PTPRN2: variants seen among roughly 807,000 people sequenced by gnomAD.
PTPRN2 encodes receptor-type tyrosine-protein phosphatase N2.
In PTPRN2, 74 loss-of-function variants were observed where a neutral mutation model predicts 118.8. The observed-to-expected ratio is 0.62, with a 90% CI of 0.52 to 0.76. The LOEUF (loss-of-function observed/expected upper bound fraction) is 0.76, where lower values mean the gene tolerates loss of function less well. Ranked by LOEUF, PTPRN2 falls within the 30% of genes least tolerant of loss-of-function variation. The probability of loss-of-function intolerance (pLI) is 0.00; values close to 1 mark genes in which losing one functional copy is unlikely to be tolerated. For missense variants in PTPRN2, 1,481 were observed against 1,394.4 expected (o/e 1.06, Z -0.99); for synonymous variants, 641 against 608.0 (o/e 1.05, Z -0.80).
At chr7:158,465,360 C>T (rs948947811) in intron 2 of PTPRN2, among the ~76,000 whole-genome samples, 11 of 152,282 alleles carry the variant, frequency 7.2e-5, no homozygotes, top group East Asian at 3.9e-4. Context: ...TTCATTCATA[C>T]CACACCCCTT....
rs74733438 is a variant in PTPRN2 at position 158,497,825 on chromosome 7, G to A, written c.113-8040C>T. ...CACAGCCTCTGGGCCCTGTTCCTGC[G>A]GGGACACCTGTCCGTCCCCTGTGCT... On this transcript the variant is annotated intron_variant, in intron 1 of 22. Transcript: ENST00000389418. Among the ~76,000 whole-genome samples, 935 of 152,346 alleles carry A rather than the reference G, an allele frequency of 6.1e-3. 7 individuals are homozygous for A. The highest frequency in any genetic ancestry group is 9.5e-3 in the Non-Finnish European group (644 of 68,028).
At chr7:157,589,613 G>A (rs1438016964) in intron 17 of PTPRN2, among the ~76,000 whole-genome samples, 2 of 152,174 alleles carry the variant, frequency 1.3e-5, no homozygotes, top group East Asian at 3.8e-4. Flanking sequence ...ACGCCTGGGG[G>A]TGTCAACGGA....
At position 158,173,122 on chromosome 7, in the gene PTPRN2, G is replaced by A. The variant is rs541084224; in HGVS notation, c.550-5831C>T. Among the ~76,000 whole-genome samples the A allele has an allele frequency of 1.0e-4, 14 of 133,378 alleles. No homozygotes were observed. The South Asian group carries it at 2.8e-3, about 27-fold the overall frequency. 87.5% of individuals were successfully genotyped at this position (133,378 alleles called of 152,430 possible). A position where few individuals can be genotyped will look rare whatever the true frequency, so the allele number is the denominator to read the frequency against. On this transcript the variant is annotated intron_variant, in intron 5 of 22. Coordinates refer to ENST00000389418, the MANE Select transcript of PTPRN2 (RefSeq NM_002847.5). ...TCCCATCACCACCAACACCACCAGC[G>A]TCCCCACCATCATCATCACCCCATC...
At chr7:158,140,641 TCTGCCCAGGGCAA>T (rs1415943510) in intron 6 of PTPRN2, among the ~76,000 whole-genome samples, 5 of 152,140 alleles carry the variant, frequency 3.3e-5, no homozygotes, top group Non-Finnish European at 5.9e-5. Flanking sequence ...ATGGGCGAGG[TCTGCCCAGGGCAA>T]CCAGAGCCGC....
intron 11 of PTPRN2, among the ~76,000 whole-genome samples, chr7:157,898,991 C>T (rs1192084994): frequency 2.6e-5 from 4 of 152,236 alleles, no homozygotes; most frequent in Non-Finnish European, 4.4e-5. Flanking sequence ...GGTGTCCCAC[C>T]CGGGTCCCCA....
chr7:158,326,731 C>A lies in PTPRN2; in HGVS notation c.164-9799G>T, dbSNP rs911282814. On this transcript the variant is annotated intron_variant, in intron 2 of 22. Coordinates refer to ENST00000389418, the MANE Select transcript of PTPRN2 (RefSeq NM_002847.5). ...ACACATGCTCTCACATGCATACATT[C>A]TCACACACATGCACATTCTCACATG... 1.7e-4 allele frequency among the ~76,000 whole-genome samples: 26 copies of A among 150,846 alleles called. 1 individual carries two copies. Among genetic ancestry groups the A allele is most frequent in the Non-Finnish European group, 2.5e-4 (17 of 67,678 alleles).
At chr7:158,212,517 T>C (rs1278190445) in intron 3 of PTPRN2, among the ~76,000 whole-genome samples, 2 of 152,186 alleles carry the variant, frequency 1.3e-5, no homozygotes, top group Non-Finnish European at 2.9e-5. Flanking sequence ...TACACCTGTG[T>C]ACCCACAAAA....
chr7:157,571,557 C>G, intron 19 of PTPRN2, 64 bp from the exon 20 acceptor site: 1 of 1,263,038 alleles, frequency 7.9e-7, no homozygotes, highest in Non-Finnish European at 1.1e-6. Flanking sequence ...TCCAAAACAA[C>G]TATTAAAACA....
Position 157,874,796 on chromosome 7 carries a change from TACACACAGAGACACACTCATGGAC to T in PTPRN2, c.1788+23853_1788+23876del, listed in dbSNP as rs74203449. Among the ~76,000 whole-genome samples, 20,208 of 140,820 alleles carry T rather than the reference TACACACAGAGACACACTCATGGAC, an allele frequency of 0.14. 1,466 individuals are homozygous for T. The highest frequency in any genetic ancestry group is 0.19 in the South Asian group (842 of 4,410). 92.4% of individuals were successfully genotyped at this position (140,820 alleles called of 152,430 possible). On this transcript the variant is annotated intron_variant, in intron 12 of 22. Coordinates refer to ENST00000389418, the MANE Select transcript of PTPRN2 (RefSeq NM_002847.5). This position sits in a 1 kb window ranked among gnomAD's most constrained non-coding sequence, Gnocchi z 5.8. Reference sequence around the variant, plus strand: ...ACACACGAACACACTCATACACATATACACACAGAGACACACTCATGGACACACACAGAGACACACTCATGCACA... The same window carrying T: ...ACACACGAACACACTCATACACATATACACACAGAGACACACTCATGCACA...
chr7:157,920,352 G>T (rs935092298), intron 11 of PTPRN2, among the ~76,000 whole-genome samples: 1 of 152,150 alleles, frequency 6.6e-6, no homozygotes. Context: ...AGGAATAAAA[G>T]ATTCTCAAGT....
intron 1 of PTPRN2, among the ~76,000 whole-genome samples, chr7:158,530,448 G>A (rs78441810): frequency 1.2e-4 from 19 of 152,302 alleles, no homozygotes; most frequent in East Asian, 5.8e-4. Flanking sequence ...CGGCCTCCCC[G>A]TGTGCCACAG....
In PTPRN2 at chr7:158,440,734, A is replaced by G. The variant is rs115014613; in HGVS notation, c.163+49001T>C. Among the ~76,000 whole-genome samples, 338 of 135,470 alleles carry G rather than the reference A, an allele frequency of 2.5e-3. 5 individuals carry two copies. Among genetic ancestry groups the G allele is most frequent in the Middle Eastern group, 0.013 (3 of 236 alleles). The allele number at this position is 135,470 out of a possible 152,430, so 88.9% of individuals were successfully genotyped here. ...AGTAGTGGTGAAGGTGGTGGTGATG[A>G]TGACAGTGGTGGTGACAGTGGTGGT... On this transcript the variant is annotated intron_variant, in intron 2 of 22. Transcript: ENST00000389418.
At chr7:158,092,131 AGTGGGTACATGGATGAGTAG>A (rs1814228818) in intron 10 of PTPRN2, among the ~76,000 whole-genome samples, 1 of 149,488 alleles carries the variant, frequency 6.7e-6, no homozygotes, top group African/African-American at 2.5e-5. Flanking sequence ...TGGTTGGGTG[AGTGGGTACATGGATGAGTAG>A]ATGGGTGAAT....
intron 10 of PTPRN2, among the ~76,000 whole-genome samples, chr7:158,105,369 C>T (rs1236678062): frequency 6.6e-6 from 1 of 151,924 alleles, no homozygotes; most frequent in African/African-American, 2.4e-5. Context: ...GAGCTCCATC[C>T]TCATCCTAGC....
intron 11 of PTPRN2, among the ~76,000 whole-genome samples, chr7:158,053,907 CCA>C (rs1311136861): frequency 2.0e-5 from 3 of 149,980 alleles, no homozygotes; most frequent in South Asian, 2.1e-4. Flanking sequence ...TGCAGAGACC[CCA>C]GAGATGCAGA....
At chr7:157,555,530 G>A (rs1429973642) in intron 21 of PTPRN2, among the ~76,000 whole-genome samples, 1 of 152,206 alleles carries the variant, frequency 6.6e-6, no homozygotes, top group Non-Finnish European at 1.5e-5. Context: ...GAACACGGAC[G>A]GATGGGGTGT....
chr7:158,317,029 G>A, intron 2 of PTPRN2, 97 bp from the exon 3 acceptor site: 1 of 893,456 alleles, frequency 1.1e-6, no homozygotes, highest in South Asian at 1.8e-5. Context: ...CTGATCATGT[G>A]CCGCCGTGAG....
chr7:158,432,025 C>G (rs1216292533), intron 2 of PTPRN2, among the ~76,000 whole-genome samples: 1 of 152,268 alleles, frequency 6.6e-6, no homozygotes, highest in African/African-American at 2.4e-5. Flanking sequence ...CCAATCCACT[C>G]TAACAGGATC....
chr7:158,164,580 C>A (rs180884057), intron 6 of PTPRN2, among the ~76,000 whole-genome samples: 2 of 151,904 alleles, frequency 1.3e-5, no homozygotes, highest in East Asian at 3.9e-4. Flanking sequence ...AGCAGGAATG[C>A]GTCCTATTCT....
Sources: gnomAD v4.1 joint callset for allele counts (sites outside exome capture counted in the v4.1 genomes callset) on GRCh38, gnomAD v4.1.1 for gene constraint, Gnocchi (gnomAD v3.1) non-coding constraint, MANE v1.5 for transcripts, NCBI Gene and HGNC (gene_info 2026-07-23, HGNC 2026-07-21) for gene names.